The following SCGB2B2 variants were observed in gnomAD, a reference collection of about 807,000 sequenced individuals.
The protein encoded by SCGB2B2 is secretoglobin-like protein.
A neutral mutation model predicts 7.6 loss-of-function variants in SCGB2B2; 11 were observed. The ratio of observed to expected loss-of-function variants is 1.45; its 90% CI spans 0.91 to 2.40. The LOEUF is 2.40. Among genes scored for constraint, SCGB2B2 ranks in the 30% most tolerant of loss-of-function variants. SCGB2B2 has a pLI of 0.00. For missense variants in SCGB2B2, 104 were observed against 115.4 expected (o/e 0.90, Z 0.45); for synonymous variants, 50 against 48.6 (o/e 1.03, Z -0.12).
chr19:34,623,210 TA>T, intron 1 of SCGB2B2, among the ~76,000 whole-genome samples: 1 of 152,222 alleles, frequency 6.6e-6, no homozygotes, highest in East Asian at 1.9e-4. Flanking sequence ...GATTTAAGAG[TA>T]ACCTAACATC....
intron 1 of SCGB2B2, among the ~76,000 whole-genome samples, chr19:34,604,564 G>A (rs1303884845): frequency 6.6e-6 from 1 of 152,158 alleles, no homozygotes; most frequent in Non-Finnish European, 1.5e-5. Flanking sequence ...GAATTTTCAG[G>A]TTGTTTGTGA....
At chr19:34,588,634 A>T (rs1270072919), downstream of SCGB2B2, among the ~76,000 whole-genome samples, 1 of 152,190 alleles carries the variant, frequency 6.6e-6, no homozygotes, top group Non-Finnish European at 1.5e-5. Context: ...CAGGGGTCGG[A>T]TGCTCCATCT....
intron 1 of SCGB2B2, among the ~76,000 whole-genome samples, chr19:34,620,592 C>A (rs938589655): frequency 2.0e-5 from 3 of 151,962 alleles, no homozygotes; most frequent in African/African-American, 7.3e-5. Flanking sequence ...GTGCAGCACA[C>A]CAACATGGAA....
At chr19:34,588,095 G>A (rs2065221554), downstream of SCGB2B2, among the ~76,000 whole-genome samples, 1 of 152,196 alleles carries the variant, frequency 6.6e-6, no homozygotes, top group Non-Finnish European at 1.5e-5. Flanking sequence ...AGTTTGAGAA[G>A]AATTGCTATT....
At chr19:34,621,020 C>T (rs1600051977) in intron 1 of SCGB2B2, among the ~76,000 whole-genome samples, 1 of 152,084 alleles carries the variant, frequency 6.6e-6, no homozygotes, top group Non-Finnish European at 1.5e-5. Context: ...AGAGAATGTT[C>T]CTATTCCTTA....
rs8106188 is a variant in SCGB2B2, at chr19:34,660,887, A to G, written c.-2032+14743T>C. 5.2e-3 allele frequency among the ~76,000 whole-genome samples: 796 copies of G among 152,332 alleles called. 4 individuals are homozygous for G. Among genetic ancestry groups the G allele is most frequent in the African/African-American group, 0.019 (771 of 41,564 alleles). ...TTGGAACCAACCCAAATGTCCATCA[A>G]TGATAGAATGGATTAAGAAAATGTG... On this transcript the variant is annotated intron_variant, in intron 1 of 3. Transcript: ENST00000601241.
intron 1 of SCGB2B2, among the ~76,000 whole-genome samples, chr19:34,663,668 A>G: frequency 6.6e-6 from 1 of 152,214 alleles, no homozygotes; most frequent in South Asian, 2.1e-4. Context: ...CATCACAGAC[A>G]TCACTTAAGA....
intron 1 of SCGB2B2, among the ~76,000 whole-genome samples, chr19:34,675,138 C>G (rs1467235672): frequency 6.6e-6 from 1 of 152,166 alleles, no homozygotes; most frequent in African/African-American, 2.4e-5. Context: ...GATTATTAAA[C>G]TTTTAAAGTT....
At chr19:34,666,439 C>T (rs1298161253) in intron 1 of SCGB2B2, among the ~76,000 whole-genome samples, 1 of 152,174 alleles carries the variant, frequency 6.6e-6, no homozygotes, top group Non-Finnish European at 1.5e-5. Context: ...ATGTGACAGG[C>T]CACTGGGCCA....
At chr19:34,669,411 T>C (rs2067737031) in intron 1 of SCGB2B2, among the ~76,000 whole-genome samples, 1 of 152,204 alleles carries the variant, frequency 6.6e-6, no homozygotes, top group African/African-American at 2.4e-5. Context: ...TTATCAAATG[T>C]TTGTTGAACC....
intron 1 of SCGB2B2, among the ~76,000 whole-genome samples, chr19:34,600,753 G>A (rs1037288706): frequency 5.3e-5 from 8 of 152,028 alleles, no homozygotes; most frequent in African/African-American, 1.5e-4. Context: ...ATTTGTAGGC[G>A]TTCTTTCTAT....
At chr19:34,666,443 T>A (rs1418384552) in intron 1 of SCGB2B2, among the ~76,000 whole-genome samples, 1 of 152,112 alleles carries the variant, frequency 6.6e-6, no homozygotes, top group African/African-American at 2.4e-5. Context: ...GACAGGCCAC[T>A]GGGCCACCTG....
chr19:34,663,792 G>A (rs985857714), intron 1 of SCGB2B2, among the ~76,000 whole-genome samples: 6 of 151,936 alleles, frequency 3.9e-5, no homozygotes, highest in African/African-American at 1.5e-4. Context: ...GAGGATAAAT[G>A]AATAAAGAAA....
In SCGB2B2 at chr19:34,593,546, G is replaced by T. The variant is rs371300283; in HGVS notation, c.*9C>A. On this transcript the variant is annotated 3_prime_UTR_variant, in exon 4 of 4. Transcript: ENST00000601241. ...GAGGGCCAATATCTGATCTGCAGGG[G>T]TCCTCAGATCAGAAGGCTGCTTCTA... 1.4e-5 allele frequency: 21 copies of T among 1,546,458 alleles called. No individual in the cohort carries two copies. In the African/African-American group the frequency reaches 1.6e-4, roughly 12 times the overall value.
intron 1 of SCGB2B2, among the ~76,000 whole-genome samples, chr19:34,663,146 G>A (rs1273695749): frequency 6.6e-6 from 1 of 152,184 alleles, no homozygotes; most frequent in Non-Finnish European, 1.5e-5. Flanking sequence ...ACCTTGTGGC[G>A]ATCTAGAGCA....
chr19:34,661,578 C>T (rs1179499227), intron 1 of SCGB2B2, among the ~76,000 whole-genome samples: 2 of 152,208 alleles, frequency 1.3e-5, no homozygotes, highest in Admixed American at 1.3e-4. Flanking sequence ...CAACGCAGTG[C>T]CACACTGGCA....
chr19:34,648,430 T>C (rs2067077794), intron 1 of SCGB2B2, among the ~76,000 whole-genome samples: 1 of 152,200 alleles, frequency 6.6e-6, no homozygotes, highest in East Asian at 1.9e-4. Flanking sequence ...ATGTAAGTTC[T>C]CTGAGGATGC....
intron 1 of SCGB2B2, among the ~76,000 whole-genome samples, chr19:34,656,039 T>C (rs1474622678): frequency 6.6e-6 from 1 of 151,306 alleles, no homozygotes; most frequent in Non-Finnish European, 1.5e-5. Context: ...CAATTCATAA[T>C]GAGCTGGTAT....
chr19:34,609,889 T>C (rs1356810498), intron 1 of SCGB2B2, among the ~76,000 whole-genome samples: 3 of 152,132 alleles, frequency 2.0e-5, no homozygotes, highest in Non-Finnish European at 4.4e-5. Flanking sequence ...GAGATTGCAT[T>C]GACTCTGCAG....
Sources: allele counts gnomAD v4.1 joint callset (sites outside exome capture counted in the v4.1 genomes callset), GRCh38; gene constraint gnomAD v4.1.1; transcripts MANE v1.5; gene names NCBI Gene and HGNC (gene_info 2026-07-23, HGNC 2026-07-21).